Variants in MIPOL1 observed in about 807,000 individuals in gnomAD.
MIPOL1 encodes mirror-image polydactyly 1.
Under a neutral mutation model 60.9 loss-of-function variants are expected in MIPOL1, and 57 were observed. The observed-to-expected ratio is 0.94, with a 90% confidence interval of 0.76 to 1.17. MIPOL1 has a LOEUF of 1.17. Among genes scored for constraint, MIPOL1 ranks in the 50% most tolerant of loss-of-function variants. MIPOL1 has a pLI of 0.00. For missense variants in MIPOL1, 551 were observed against 511.6 expected, an observed-to-expected ratio of 1.08 and a Z score of -0.74; for synonymous variants, 179 against 168.8, an observed-to-expected ratio of 1.06 and a Z score of -0.47.
At chr14:37,208,154 ATTC>A (rs1218383685) in intron 1 of MIPOL1, among the ~76,000 whole-genome samples, 4 of 152,202 alleles carry the variant, frequency 2.6e-5, no homozygotes, top group Non-Finnish European at 5.9e-5. Context: ...CAGGTAATCT[ATTC>A]TTGTTATGAA....
At chr14:37,388,933 T>G (rs1226197008) in intron 10 of MIPOL1, among the ~76,000 whole-genome samples, 2 of 152,114 alleles carry the variant, frequency 1.3e-5, no homozygotes, top group South Asian at 4.1e-4. Flanking sequence ...AGGTAGAAGC[T>G]TCTGCCTTCT....
intron 9 of MIPOL1, among the ~76,000 whole-genome samples, chr14:37,361,789 C>T (rs1398478421): frequency 2.0e-5 from 3 of 151,506 alleles, no homozygotes; most frequent in African/African-American, 7.3e-5. Flanking sequence ...TTGTATTTTT[C>T]GTAGAGTCCG....
intron 9 of MIPOL1, among the ~76,000 whole-genome samples, chr14:37,363,728 C>G (rs2092368590): frequency 6.6e-6 from 1 of 152,226 alleles, no homozygotes; most frequent in African/African-American, 2.4e-5. Flanking sequence ...CAACTATGCC[C>G]TGCCCACAGA....
chr14:37,402,850 C>G (rs1445478719), intron 10 of MIPOL1, among the ~76,000 whole-genome samples: 1 of 152,136 alleles, frequency 6.6e-6, no homozygotes, highest in Non-Finnish European at 1.5e-5. Flanking sequence ...TTCACTTCTC[C>G]CTTCCCTGTT....
chr14:37,237,391 A>G (rs1291228662), intron 1 of MIPOL1, among the ~76,000 whole-genome samples: 1 of 152,142 alleles, frequency 6.6e-6, no homozygotes, highest in Non-Finnish European at 1.5e-5. Context: ...ATAAAGCCAT[A>G]TAATACTGTG....
intron 3 of MIPOL1, among the ~76,000 whole-genome samples, chr14:37,255,494 G>A (rs918360902): frequency 1.3e-5 from 2 of 151,718 alleles, no homozygotes; most frequent in African/African-American, 4.8e-5. Context: ...AAATAAATTT[G>A]TAGTAGTAGA....
intron 10 of MIPOL1, among the ~76,000 whole-genome samples, chr14:37,395,377 A>G (rs537458857): frequency 2.6e-5 from 4 of 152,268 alleles, no homozygotes; most frequent in Non-Finnish European, 5.9e-5. Flanking sequence ...CTACCCATCC[A>G]TGAGTGTGGG....
intron 10 of MIPOL1, among the ~76,000 whole-genome samples, chr14:37,388,942 CTCAACTTACCAGT>C (rs2093155998): frequency 1.3e-5 from 2 of 152,048 alleles, no homozygotes; most frequent in Non-Finnish European, 1.5e-5. Context: ...CTTCTGCCTT[CTCAACTTACCAGT>C]TGAAGGCTAG....
intron 11 of MIPOL1, among the ~76,000 whole-genome samples, chr14:37,463,796 G>A (rs2094567319): frequency 6.6e-6 from 1 of 151,982 alleles, no homozygotes; most frequent in African/African-American, 2.4e-5. Context: ...GACAGCAAAA[G>A]GAATAATCAA....
intron 11 of MIPOL1, among the ~76,000 whole-genome samples, chr14:37,480,329 A>G (rs1220906753): frequency 6.6e-6 from 1 of 152,186 alleles, no homozygotes; most frequent in Non-Finnish European, 1.5e-5. Context: ...AACCAAATTC[A>G]ACAACACATT....
intron 9 of MIPOL1, among the ~76,000 whole-genome samples, chr14:37,357,076 C>A (rs145798117): frequency 0.015 from 2,319 of 152,282 alleles, 28 homozygotes; most frequent in Non-Finnish European, 0.022. Context: ...CATGGAGGTG[C>A]AGATATCTCT....
At chr14:37,469,042 G>T (rs746349312) in intron 11 of MIPOL1, among the ~76,000 whole-genome samples, 3 of 152,056 alleles carry the variant, frequency 2.0e-5, no homozygotes, top group Non-Finnish European at 4.4e-5. Flanking sequence ...TTTAATCCAG[G>T]GAGTGATATA....
At chr14:37,463,245 C>T (rs2094560298) in intron 11 of MIPOL1, among the ~76,000 whole-genome samples, 1 of 152,012 alleles carries the variant, frequency 6.6e-6, no homozygotes, top group African/African-American at 2.4e-5. Context: ...CTCATGAGAC[C>T]CACTCACTCA....
At chr14:37,394,832 C>T (rs1477436496) in intron 10 of MIPOL1, among the ~76,000 whole-genome samples, 7 of 152,092 alleles carry the variant, frequency 4.6e-5, no homozygotes, top group African/African-American at 1.4e-4. Context: ...GTCATGAAAT[C>T]CTTGCCTAAG....
chr14:37,376,822 T>C (rs2153504960), intron 10 of MIPOL1, among the ~76,000 whole-genome samples: 1 of 152,184 alleles, frequency 6.6e-6, no homozygotes, highest in East Asian at 1.9e-4. Context: ...TTCTGGATCA[T>C]ACGTAAAAAT....
chr14:37,285,707 G>A (rs1049966926), intron 7 of MIPOL1, among the ~76,000 whole-genome samples: 3 of 150,616 alleles, frequency 2.0e-5, no homozygotes, highest in East Asian at 2.0e-4. Context: ...TTCCCCTGCC[G>A]CAGCCTCCCA....
chr14:37,448,505 A>G (rs1046523926), intron 11 of MIPOL1, among the ~76,000 whole-genome samples: 6 of 152,218 alleles, frequency 3.9e-5, no homozygotes, highest in African/African-American at 1.2e-4. Flanking sequence ...TTGCCAAACT[A>G]TATTTATTGA....
intron 11 of MIPOL1, among the ~76,000 whole-genome samples, chr14:37,425,686 T>C (rs2093949058): frequency 1.3e-5 from 2 of 152,234 alleles, no homozygotes; most frequent in Non-Finnish European, 2.9e-5. Context: ...GATCAACCAA[T>C]GTTAAGATAT....
intron 12 of MIPOL1, among the ~76,000 whole-genome samples, chr14:37,521,902 A>G (rs12894976): frequency 3.1e-4 from 19 of 62,236 alleles, no homozygotes; most frequent in South Asian, 1.6e-3. Context: ...AAATATATAT[A>G]TATATATATT....
Sources: allele counts gnomAD v4.1 joint callset (sites outside exome capture counted in the v4.1 genomes callset), GRCh38; gene constraint gnomAD v4.1.1; transcripts MANE v1.5; gene names NCBI Gene and HGNC (gene_info 2026-07-23, HGNC 2026-07-21).